Variants in KHDRBS3 observed in about 807,000 individuals in gnomAD.
The protein encoded by KHDRBS3 is KH domain-containing, RNA-binding, signal transduction-associated protein 3.
In KHDRBS3, 23 loss-of-function variants were observed where a neutral mutation model predicts 45.6. The ratio of observed to expected loss-of-function variants is 0.50; its 90% CI spans 0.36 to 0.72. The LOEUF is 0.72. KHDRBS3 is among the 30% of genes least tolerant of loss of function. KHDRBS3 has a pLI of 0.00. For missense variants in KHDRBS3, 352 were observed against 424.8 expected, an observed-to-expected ratio of 0.83 and a Z score of 1.51; for synonymous variants, 162 against 156.5, an observed-to-expected ratio of 1.04 and a Z score of -0.26.
intron 3 of KHDRBS3, among the ~76,000 whole-genome samples, chr8:135,547,364 C>A (rs570422213): frequency 2.6e-5 from 4 of 152,206 alleles, no homozygotes; most frequent in Middle Eastern, 3.4e-3. Flanking sequence ...TGTCTCCTTT[C>A]GCCAGCATTT....
chr8:135,536,742 T>A (rs1259361618), intron 2 of KHDRBS3, among the ~76,000 whole-genome samples: 4 of 149,690 alleles, frequency 2.7e-5, no homozygotes, highest in African/African-American at 9.9e-5. Context: ...GGGTGGATCA[T>A]GAGGTCAGGA....
chr8:135,542,621 A>T, intron 2 of KHDRBS3, 33 bp from the exon 3 acceptor site: 1 of 1,375,548 alleles, frequency 7.3e-7, no homozygotes, highest in Non-Finnish European at 1.0e-6. Context: ...TTCACATATA[A>T]ATGCTACAAA....
chr8:135,615,931 A>G (rs1829897130), intron 7 of KHDRBS3, among the ~76,000 whole-genome samples: 1 of 152,328 alleles, frequency 6.6e-6, no homozygotes, highest in South Asian at 2.1e-4. Flanking sequence ...GCTTCTCACT[A>G]AGTTACAGTG....
intron 2 of KHDRBS3, among the ~76,000 whole-genome samples, chr8:135,527,421 A>G (rs571558647): frequency 6.6e-6 from 1 of 152,380 alleles, no homozygotes; most frequent in South Asian, 2.1e-4. Context: ...ATTGAAGCAC[A>G]GAAGGCATTT....
At chr8:135,510,113 G>T (rs955269916) in intron 1 of KHDRBS3, among the ~76,000 whole-genome samples, 1 of 151,908 alleles carries the variant, frequency 6.6e-6, no homozygotes, top group African/African-American at 2.4e-5. Context: ...CAGAGTAGCT[G>T]GGACTACAGG....
rs182855746 is a variant in KHDRBS3, at chr8:135,600,368, A to G, written c.808-6587A>G. Among the ~76,000 whole-genome samples, 118 of 152,342 alleles carry G rather than the reference A, an allele frequency of 7.7e-4. 1 individual carries two copies. The highest frequency in any genetic ancestry group is 2.8e-3 in the African/African-American group (116 of 41,578). ...AGTTGAAGAATTCTGAATGATTCTG[A>G]TGAATCTAATAATTCTGAATGAAAT... On this transcript the variant is annotated intron_variant, in intron 6 of 8. Transcript: ENST00000355849.
At chr8:135,521,128 G>A (rs1321698406) in intron 1 of KHDRBS3, 109 bp from the exon 2 acceptor site, 1 of 681,496 alleles carries the variant, frequency 1.5e-6, no homozygotes, top group Admixed American at 2.4e-5. Flanking sequence ...CAATTTAATA[G>A]TCCATACTTC....
intron 5 of KHDRBS3, among the ~76,000 whole-genome samples, chr8:135,568,660 C>T (rs1226388654): frequency 6.6e-6 from 1 of 152,134 alleles, no homozygotes; most frequent in African/African-American, 2.4e-5. Flanking sequence ...ACGTAGCTGT[C>T]AAGTCCAAAT....
At chr8:135,543,531 A>G (rs1020345802) in intron 3 of KHDRBS3, among the ~76,000 whole-genome samples, 5 of 152,206 alleles carry the variant, frequency 3.3e-5, no homozygotes, top group Non-Finnish European at 5.9e-5. Context: ...TTTAAACACA[A>G]TCCAACATCC....
At chr8:135,576,549 T>C (rs1028651139) in intron 5 of KHDRBS3, among the ~76,000 whole-genome samples, 20 of 152,334 alleles carry the variant, frequency 1.3e-4, no homozygotes, top group Middle Eastern at 3.4e-3. Context: ...CACATGCCCA[T>C]AATTTGAGGG....
At chr8:135,555,441 C>A (rs984879937) in intron 4 of KHDRBS3, among the ~76,000 whole-genome samples, 19 of 151,268 alleles carry the variant, frequency 1.3e-4, no homozygotes, top group African/African-American at 4.1e-4. Context: ...TGGCCCAAGA[C>A]AATTCTTCCA....
At chr8:135,488,582 C>G (rs1199800285) in intron 1 of KHDRBS3, among the ~76,000 whole-genome samples, 1 of 152,144 alleles carries the variant, frequency 6.6e-6, no homozygotes, top group African/African-American at 2.4e-5. Context: ...CAGTGGAGTT[C>G]CAGGCATCCT....
At chr8:135,509,401 T>TA (rs1328290926) in intron 1 of KHDRBS3, among the ~76,000 whole-genome samples, 1 of 152,152 alleles carries the variant, frequency 6.6e-6, no homozygotes, top group Non-Finnish European at 1.5e-5. Flanking sequence ...TCTGAGAAGT[T>TA]ATGAGGACTG....
intron 6 of KHDRBS3, among the ~76,000 whole-genome samples, chr8:135,588,130 G>T (rs1333677072): frequency 6.6e-6 from 1 of 152,176 alleles, no homozygotes; most frequent in East Asian, 1.9e-4. Context: ...GTTGCAACTG[G>T]TGGGCCCCCA....
intron 1 of KHDRBS3, among the ~76,000 whole-genome samples, chr8:135,514,973 A>G (rs1256394584): frequency 1.3e-5 from 2 of 151,948 alleles, no homozygotes; most frequent in Non-Finnish European, 2.9e-5. Context: ...CCCTAAAATA[A>G]TTTTCATTAT....
rs576794777 is a variant in KHDRBS3 at position 135,583,272 on chromosome 8, T to G, written c.807+1199T>G. Among the ~76,000 whole-genome samples the G allele has an allele frequency of 2.0e-5, 3 of 152,332 alleles. No homozygotes were observed. The East Asian group carries it at 5.8e-4, about 29-fold the overall frequency. On this transcript the variant is annotated intron_variant, in intron 6 of 8. Transcript: ENST00000355849. The stretch of plus-strand genomic sequence containing the variant: ...TACTGGGAGCCCACTGAATTATATT[T>G]TAACAAATCCCGTAATAGTTTTACA...
At chr8:135,468,135 A>T (rs1317614594) in intron 1 of KHDRBS3, among the ~76,000 whole-genome samples, 1 of 152,170 alleles carries the variant, frequency 6.6e-6, no homozygotes, top group Non-Finnish European at 1.5e-5. Context: ...ATCACCGTGT[A>T]AATTGAAGCT....
chr8:135,536,999 G>GAAAA lies in KHDRBS3; in HGVS notation c.208-5654_208-5653insAAAA, dbSNP rs1375807666. Among the ~76,000 whole-genome samples the GAAAA allele has an allele frequency of 6.4e-3, 187 of 29,408 alleles. 24 individuals are homozygous for GAAAA. Among genetic ancestry groups the GAAAA allele is most frequent in the South Asian group, 0.025 (13 of 518 alleles). The allele number at this position is 29,408 out of a possible 152,430, so 19.3% of individuals were successfully genotyped here. On this transcript the variant is annotated intron_variant, in intron 2 of 8. Transcript: ENST00000355849. Reference sequence around the variant, plus strand: ...AAAAAAAAAAAAAAAAAAAAAAAAGGAGATGTTTAGGAGGTAAAATCATTA... The same window carrying GAAAA: ...AAAAAAAAAAAAAAAAAAAAAAAAGGAAAAAGATGTTTAGGAGGTAAAATCATTA...
intron 1 of KHDRBS3, among the ~76,000 whole-genome samples, chr8:135,459,896 C>T (rs1223445081): frequency 1.3e-5 from 2 of 152,170 alleles, no homozygotes; most frequent in African/African-American, 2.4e-5. Flanking sequence ...ACTTACTTTT[C>T]ATAGAAGTAA....
Sources: allele counts gnomAD v4.1 joint callset (sites outside exome capture counted in the v4.1 genomes callset), GRCh38; gene constraint gnomAD v4.1.1; transcripts MANE v1.5; gene names NCBI Gene and HGNC (gene_info 2026-07-23, HGNC 2026-07-21).